The following FYN variants were observed in gnomAD, a reference collection of about 807,000 sequenced individuals.
FYN encodes the protein tyrosine-protein kinase Fyn.
In FYN, 10 loss-of-function variants were observed where a neutral mutation model predicts 70.2. That is an observed-to-expected ratio of 0.14 (90% CI 0.09 to 0.24). The LOEUF is 0.24. Ranked by LOEUF, FYN falls within the 10% of genes least tolerant of loss-of-function variation. FYN has a pLI of 1.00. For missense variants in FYN, 319 were observed against 673.1 expected (o/e 0.47, Z 5.82); for synonymous variants, 236 against 248.6 (o/e 0.95, Z 0.48).
chr6:111,777,531 T>G (rs1464081130), intron 3 of FYN, among the ~76,000 whole-genome samples: 1 of 152,060 alleles, frequency 6.6e-6, no homozygotes, highest in Non-Finnish European at 1.5e-5. Flanking sequence ...TTTGGCAGCA[T>G]CTCTGGCTTC....
In FYN at chr6:111,770,596, T is replaced by C. The variant is rs574285575; in HGVS notation, c.-12+9970A>G. The stretch of plus-strand genomic sequence containing the variant: ...TAATCAGGTCTGTCCTAGTTTATTT[T>C]GTGTTCTTATATATCTGTGACTGGG... On this transcript the variant is annotated intron_variant, in intron 3 of 13. Transcript: ENST00000354650. 3.3e-5 allele frequency among the ~76,000 whole-genome samples: 5 copies of C among 152,302 alleles called. No homozygotes were observed. In the South Asian group the frequency reaches 1.0e-3, roughly 32 times the overall value.
intron 3 of FYN, among the ~76,000 whole-genome samples, chr6:111,780,024 T>C (rs534535001): frequency 6.6e-6 from 1 of 152,124 alleles, no homozygotes; most frequent in East Asian, 1.9e-4. Context: ...TCCCAAAGAC[T>C]GTCCTCTTTC....
At chr6:111,839,871 C>G (rs562293780) in intron 2 of FYN, among the ~76,000 whole-genome samples, 1 of 152,218 alleles carries the variant, frequency 6.6e-6, no homozygotes, top group East Asian at 1.9e-4. Flanking sequence ...GTGCTTGTCC[C>G]ATCTCTGCTC....
intron 13 of FYN, among the ~76,000 whole-genome samples, chr6:111,664,830 A>G (rs146600735): frequency 2.0e-4 from 30 of 152,352 alleles, no homozygotes; most frequent in Non-Finnish European, 3.1e-4. Context: ...CCAAGTGGAA[A>G]CATACCAATG....
chr6:111,699,220 T>C (rs1434825103), intron 9 of FYN, among the ~76,000 whole-genome samples: 2 of 152,208 alleles, frequency 1.3e-5, no homozygotes, highest in East Asian at 3.9e-4. Flanking sequence ...GTCCATGGTC[T>C]TTCTTATGGC....
At chr6:111,671,853 T>C (rs1487398037) in intron 13 of FYN, among the ~76,000 whole-genome samples, 2 of 152,234 alleles carry the variant, frequency 1.3e-5, no homozygotes, top group East Asian at 3.8e-4. Flanking sequence ...AATAATCCTA[T>C]AATTGGAATC....
intron 12 of FYN, among the ~76,000 whole-genome samples, chr6:111,676,147 A>C (rs1798522804): frequency 6.6e-6 from 1 of 152,242 alleles, no homozygotes; most frequent in South Asian, 2.1e-4. Context: ...GAGGTATGAT[A>C]AATTACAGCA....
At chr6:111,697,330 C>A (rs1348086475) in intron 9 of FYN, among the ~76,000 whole-genome samples, 1 of 152,072 alleles carries the variant, frequency 6.6e-6, no homozygotes, top group East Asian at 1.9e-4. Flanking sequence ...TTTGTGTATT[C>A]CATTATTAGA....
intron 12 of FYN, among the ~76,000 whole-genome samples, chr6:111,689,569 G>A (rs1458789628): frequency 6.6e-6 from 1 of 152,174 alleles, no homozygotes; most frequent in Non-Finnish European, 1.5e-5. Context: ...TGGAGGCTCT[G>A]TGATATATTT....
chr6:111,860,001 T>C (rs1773917632), intron 1 of FYN, among the ~76,000 whole-genome samples: 3 of 151,874 alleles, frequency 2.0e-5, no homozygotes, highest in Non-Finnish European at 4.4e-5. Flanking sequence ...GAGGCAGAGA[T>C]TGTAGTGACA....
At chr6:111,813,677 T>G (rs1262690794) in intron 2 of FYN, among the ~76,000 whole-genome samples, 2 of 152,182 alleles carry the variant, frequency 1.3e-5, no homozygotes, top group Non-Finnish European at 2.9e-5. Context: ...AGTTTTGCTA[T>G]CTACAAAATG....
At chr6:111,803,329 C>A (rs986073461) in intron 2 of FYN, among the ~76,000 whole-genome samples, 18 of 152,138 alleles carry the variant, frequency 1.2e-4, no homozygotes, top group African/African-American at 4.3e-4. Context: ...CCAAATCATG[C>A]CACTTTTATG....
At chr6:111,788,602 C>T (rs926246923) in intron 2 of FYN, among the ~76,000 whole-genome samples, 8 of 152,148 alleles carry the variant, frequency 5.3e-5, no homozygotes, top group African/African-American at 1.9e-4. Flanking sequence ...ACATGAGGTA[C>T]AAGCTGGGAA....
chr6:111,869,145 A>G (rs1264538922), intron 1 of FYN, among the ~76,000 whole-genome samples: 2 of 152,234 alleles, frequency 1.3e-5, no homozygotes, highest in African/African-American at 4.8e-5. Context: ...TGTGGAGAAC[A>G]GGGACTACCC....
In FYN at chr6:111,841,302, T is replaced by G. The variant is rs566112159; in HGVS notation, c.-82+5287A>C. On this transcript the variant is annotated intron_variant, in intron 2 of 13. Transcript: ENST00000354650. ...TCCTTGATAAAAACATCATTACTAC[T>G]TTTAAAACCACAAATAAGGGAGAAA... Among the ~76,000 whole-genome samples the G allele has an allele frequency of 1.8e-4, 27 of 152,330 alleles. No homozygotes were observed. In the South Asian group the frequency reaches 5.6e-3, roughly 32 times the overall value.
At chr6:111,869,617 C>T (rs968653066) in intron 1 of FYN, among the ~76,000 whole-genome samples, 4 of 152,196 alleles carry the variant, frequency 2.6e-5, no homozygotes, top group Admixed American at 2.6e-4. Flanking sequence ...TGATAACAAA[C>T]TCTTGGGCTA....
chr6:111,859,873 GA>G (rs1298355226), intron 1 of FYN, among the ~76,000 whole-genome samples: 38 of 152,308 alleles, frequency 2.5e-4, no homozygotes, highest in African/African-American at 9.1e-4. Flanking sequence ...ATTAAGTTAA[GA>G]ATATCAAGAT....
At chr6:111,696,159 TG>T in intron 10 of FYN, 117 bp downstream of exon 10, 2 of 857,278 alleles carry the variant, frequency 2.3e-6, no homozygotes, top group Non-Finnish European at 3.4e-6. Flanking sequence ...TGGTTCCTAA[TG>T]GGAATACTTG....
At chr6:111,741,412 G>T (rs1204698147) in intron 3 of FYN, among the ~76,000 whole-genome samples, 1 of 152,154 alleles carries the variant, frequency 6.6e-6, no homozygotes, top group Non-Finnish European at 1.5e-5. Context: ...TAATGCATAC[G>T]TGTGCATCTG....
Sources: gnomAD v4.1 joint callset for allele counts (sites outside exome capture counted in the v4.1 genomes callset) on GRCh38, gnomAD v4.1.1 for gene constraint, MANE v1.5 for transcripts, NCBI Gene and HGNC (gene_info 2026-07-23, HGNC 2026-07-21) for gene names.